The following ARK2C variants were observed in gnomAD, a reference collection of about 807,000 sequenced individuals.
ARK2C encodes E3 ubiquitin-protein ligase ARK2C.
the ARK2C span, among the ~76,000 whole-genome samples, chr18:46,352,708 C>G: frequency 6.6e-6 from 1 of 152,182 alleles, no homozygotes; most frequent in Non-Finnish European, 1.5e-5. Context: ...CTGCACAAGC[C>G]ACCCCCACTC....
At chr18:46,347,922 C>T in the ARK2C span, among the ~76,000 whole-genome samples, 1 of 152,040 alleles carries the variant, frequency 6.6e-6, no homozygotes, top group African/African-American at 2.4e-5. Flanking sequence ...TGGACCAGGC[C>T]CCGTGCAGGC....
chr18:46,407,196 C>A, the ARK2C span, among the ~76,000 whole-genome samples: 3 of 152,140 alleles, frequency 2.0e-5, no homozygotes, highest in Non-Finnish European at 4.4e-5. Context: ...AGGGCTTCTG[C>A]TCCCCTTTCT....
chr18:46,462,585 GA>G, the ARK2C span: 1 of 152,744 alleles, frequency 6.5e-6, no homozygotes, highest in Non-Finnish European at 1.5e-5. Context: ...CTCCAGCCTG[GA>G]GCCTTGCTTT....
At chr18:46,440,514 A>G in the ARK2C span, among the ~76,000 whole-genome samples, 1 of 152,226 alleles carries the variant, frequency 6.6e-6, no homozygotes. Flanking sequence ...ACAGAAAAGG[A>G]GAAACTAGTA....
At chr18:46,411,498 C>T in the ARK2C span, among the ~76,000 whole-genome samples, 1 of 152,202 alleles carries the variant, frequency 6.6e-6, no homozygotes, top group East Asian at 1.9e-4. Flanking sequence ...CCTTTGCTAT[C>T]GATTGATTCA....
At chr18:46,383,050 T>C in the ARK2C span, among the ~76,000 whole-genome samples, 9 of 152,248 alleles carry the variant, frequency 5.9e-5, no homozygotes, top group Non-Finnish European at 1.0e-4. Flanking sequence ...GGCCAGATCA[T>C]GGCATCCATC....
At chr18:46,341,525 G>A in the ARK2C span, among the ~76,000 whole-genome samples, 1 of 152,166 alleles carries the variant, frequency 6.6e-6, no homozygotes, top group Admixed American at 6.5e-5. Flanking sequence ...TGAGTTTAGT[G>A]TACAGATAAG....
chr18:46,419,638 C>T, the ARK2C span, among the ~76,000 whole-genome samples: 8 of 152,298 alleles, frequency 5.3e-5, no homozygotes, highest in East Asian at 3.9e-4. Context: ...GAGTGGGCAG[C>T]GCACAGCTGG....
At chr18:46,401,938 G>C in the ARK2C span, among the ~76,000 whole-genome samples, 2 of 151,946 alleles carry the variant, frequency 1.3e-5, no homozygotes, top group East Asian at 3.9e-4. Context: ...TATTTACACA[G>C]AAAAAAAATT....
the ARK2C span, chr18:46,433,141 G>A: frequency 2.2e-4 from 312 of 1,440,114 alleles, no homozygotes; most frequent in Non-Finnish European, 2.0e-4. Flanking sequence ...TCAGTGTGGC[G>A]GCCGCTCGTG....
chr18:46,415,844 A>G, the ARK2C span, among the ~76,000 whole-genome samples: 5 of 152,192 alleles, frequency 3.3e-5, no homozygotes, highest in Non-Finnish European at 7.3e-5. Flanking sequence ...TGCTGATATG[A>G]CTGGGATCAT....
At chr18:46,427,927 C>T in the ARK2C span, among the ~76,000 whole-genome samples, 2 of 152,116 alleles carry the variant, frequency 1.3e-5, no homozygotes, top group Non-Finnish European at 2.9e-5. Flanking sequence ...AGAGGAGACA[C>T]GGACCTTTCG....
At chr18:46,359,200 T>C in the ARK2C span, among the ~76,000 whole-genome samples, 2 of 152,250 alleles carry the variant, frequency 1.3e-5, no homozygotes, top group Non-Finnish European at 2.9e-5. Flanking sequence ...AATTTCTGCA[T>C]GATGCCAGGC....
At chr18:46,336,061 G>A in the ARK2C span, 12 of 985,188 alleles carry the variant, frequency 1.2e-5, no homozygotes, top group East Asian at 5.7e-4. Context: ...GAGGGGGAGT[G>A]GGTGTGTGAG....
At chr18:46,447,665 T>C in the ARK2C span, 1 of 1,614,024 alleles carries the variant, frequency 6.2e-7, no homozygotes. Context: ...TGCACCACTT[T>C]CCCAGAAACT....
chr18:46,403,343 G>A, the ARK2C span, among the ~76,000 whole-genome samples: 1 of 152,220 alleles, frequency 6.6e-6, no homozygotes, highest in Non-Finnish European at 1.5e-5. Context: ...AGCCTGTGCT[G>A]TGCTCCTAGA....
chr18:46,363,902 C>T, the ARK2C span, among the ~76,000 whole-genome samples: 8 of 151,614 alleles, frequency 5.3e-5, no homozygotes, highest in South Asian at 6.3e-4. Context: ...TGCTTCCTGA[C>T]CTTGCTTTTC....
At chr18:46,350,290 G>A in the ARK2C span, among the ~76,000 whole-genome samples, 3 of 152,190 alleles carry the variant, frequency 2.0e-5, no homozygotes, top group Non-Finnish European at 4.4e-5. Context: ...CAGGCCAGCC[G>A]CAGAGCCTGG....
chr18:46,454,391 A>T, the ARK2C span, among the ~76,000 whole-genome samples: 122 of 152,314 alleles, frequency 8.0e-4, no homozygotes, highest in African/African-American at 2.6e-3. Flanking sequence ...CAGGCAGATC[A>T]TCATGACTCT....
Sources: gnomAD v4.1 joint callset for allele counts (sites outside exome capture counted in the v4.1 genomes callset) on GRCh38, gnomAD v4.1.1 for gene constraint, MANE v1.5 for transcripts, NCBI Gene and HGNC (gene_info 2026-07-23, HGNC 2026-07-21) for gene names.